Variants in NUP43 observed in about 807,000 individuals in gnomAD.
NUP43 encodes nucleoporin 43, also known as nucleoporin Nup43.
In NUP43, 32 loss-of-function variants were observed where a neutral mutation model predicts 47.3. That is an observed-to-expected ratio of 0.68 (90% CI 0.51 to 0.91). The LOEUF is 0.91. NUP43 is among the 40% of genes least tolerant of loss of function. The probability of loss-of-function intolerance (pLI) is 0.00; values close to 1 mark genes in which losing one functional copy is unlikely to be tolerated. For missense variants in NUP43, 444 were observed against 453.9 expected (o/e 0.98, Z 0.20); for synonymous variants, 147 against 158.4 (o/e 0.93, Z 0.54).
chr6:149,745,326 G>A (rs933852422), intron 2 of NUP43, among the ~76,000 whole-genome samples: 4 of 151,612 alleles, frequency 2.6e-5, no homozygotes, highest in Admixed American at 6.6e-5. Context: ...CTTGAACCCG[G>A]GAAGCGGAGG....
intron 4 of NUP43, among the ~76,000 whole-genome samples, chr6:149,739,181 T>C (rs1440505660): frequency 1.3e-5 from 2 of 152,184 alleles, no homozygotes; most frequent in African/African-American, 2.4e-5. Flanking sequence ...TTTCTCCATG[T>C]TGGTCAGGCT....
Position 149,738,178 on chromosome 6 carries a change from T to C in NUP43, c.638+465A>G, listed in dbSNP as rs377682558. 3.3e-5 allele frequency among the ~76,000 whole-genome samples: 5 copies of C among 152,214 alleles called. No homozygotes were observed. The East Asian group carries it at 9.6e-4, about 29-fold the overall frequency. Reference sequence around the variant, plus strand: ...ACTTGTTAAATTATTTAAAAACTCATACATCAATTATATACTAAATATTAT... The same window carrying C: ...ACTTGTTAAATTATTTAAAAACTCACACATCAATTATATACTAAATATTAT... On this transcript the variant is annotated intron_variant, in intron 5 of 7. Transcript: ENST00000340413.
At position 149,726,869 on chromosome 6, in the gene NUP43, C is replaced by T. The variant is rs999076423; in HGVS notation, c.*100G>A. On this transcript the variant is annotated 3_prime_UTR_variant, in exon 8 of 8. Coordinates refer to ENST00000340413, the MANE Select transcript of NUP43 (RefSeq NM_198887.3). ...TAATGGTAGTTTACTGATGTTTCCC[C>T]TGCAAATCTCGTATTTTCTGATACT... The T allele has an allele frequency of 1.2e-6, 1 of 865,672 alleles. No homozygotes were observed. The highest frequency in any genetic ancestry group is 1.8e-6 in the Non-Finnish European group (1 of 542,098). The allele number at this position is 865,672 out of a possible 1,614,324, so 53.6% of individuals were successfully genotyped here. A position where few individuals can be genotyped will look rare whatever the true frequency, so the allele number is the denominator to read the frequency against.
At chr6:149,736,695 G>GT in intron 5 of NUP43, 73 bp from the exon 6 acceptor site, 1 of 1,376,468 alleles carries the variant, frequency 7.3e-7, no homozygotes, top group Non-Finnish European at 1.0e-6. Context: ...CAGGAAACAC[G>GT]TTTTTTGTTT....
At position 149,727,030 on chromosome 6, in the gene NUP43, G is replaced by A. The variant is rs1445433175; in HGVS notation, c.1082C>T (p.Pro361Leu). ...LSVNTLDVLG[P>L]CLVCGTDAEA... ...TGCATCGGTTCCACAAACAAGACAAGGACCTAAAACATCCAAAGTGTTCAC... is the reference window on the plus strand; with the variant it reads ...TGCATCGGTTCCACAAACAAGACAAAGACCTAAAACATCCAAAGTGTTCAC... The change falls in exon 8 of 8, where the codon CCT becomes CTT. Residue 361 changes from proline (P) to leucine (L), a missense_variant. Transcript: ENST00000340413. 28 of 1,614,062 alleles carry A rather than the reference G, an allele frequency of 1.7e-5. No homozygotes were observed. Among genetic ancestry groups the A allele is most frequent in the Non-Finnish European group, 2.3e-5 (27 of 1,179,976 alleles).
rs1784747583 is a variant in NUP43 at position 149,725,189 on chromosome 6, G to A, written c.*1780C>T. ...TCTCTTATGGTTACAAATACTAAGT[G>A]GCTCACGCCTGTAATCCCAGCACTT... On this transcript the variant is annotated 3_prime_UTR_variant, in exon 8 of 8. Transcript: ENST00000340413. 2 of 152,326 alleles carry A rather than the reference G, an allele frequency of 1.3e-5. No homozygotes were observed. The highest frequency in any genetic ancestry group is 2.9e-5 in the Non-Finnish European group (2 of 68,036). 9.4% of individuals were successfully genotyped at this position (152,326 alleles called of 1,614,324 possible).
chr6:149,744,963 G>A (rs1785890781), intron 2 of NUP43, among the ~76,000 whole-genome samples: 1 of 149,324 alleles, frequency 6.7e-6, no homozygotes, highest in South Asian at 2.1e-4. Flanking sequence ...CCAAGCTGGC[G>A]CACTCTCGGC....
chr6:149,727,206 A>G lies in NUP43; in HGVS notation c.914-8T>C. On this transcript the variant is annotated splice_region_variant and splice_polypyrimidine_tract_variant and intron_variant, in intron 7 of 7. Coordinates refer to ENST00000340413, the MANE Select transcript of NUP43 (RefSeq NM_198887.3). The stretch of plus-strand genomic sequence containing the variant: ...AAGTACTGCTTCTTCCTCCTGGGAG[A>G]AAAAAAGAAAAGGAAGAAATCTTTC... 1 of 1,607,484 alleles carries G rather than the reference A, an allele frequency of 6.2e-7. No individual in the cohort carries two copies. The highest frequency in any genetic ancestry group is 2.2e-5 in the East Asian group (1 of 44,796).
At position 149,727,140 on chromosome 6, in the gene NUP43, C is replaced by T. The variant is rs1784825717; in HGVS notation, c.972G>A (p.Gln324=). Residue 324 remains glutamine (Q), a synonymous_variant, in exon 8 of 8, where the codon CAG becomes CAA. Transcript: ENST00000340413. ...HSISNQANVH[Q]SVISSWLSTD... ...TGCTGAGCCAGGAGCTAATGACAGA[C>T]TGGTGAACATTAGCTTGGTTACTAA... The T allele has an allele frequency of 6.2e-7, 1 of 1,613,960 alleles. No homozygotes were observed. Among genetic ancestry groups the T allele is most frequent in the African/African-American group, 1.3e-5 (1 of 74,886 alleles).
intron 6 of NUP43, among the ~76,000 whole-genome samples, chr6:149,733,962 T>C (rs1187594338): frequency 6.6e-6 from 1 of 151,862 alleles, no homozygotes. Flanking sequence ...GTAGCTGGGA[T>C]TACAGGCATG....
chr6:149,745,892 A>G, intron 2 of NUP43, 48 bp downstream of exon 2: 1 of 1,534,348 alleles, frequency 6.5e-7, no homozygotes. Context: ...GTTTAAATGT[A>G]TTACTCAGGA....
At chr6:149,743,528 G>T in intron 3 of NUP43, 110 bp downstream of exon 3, 1 of 621,408 alleles carries the variant, frequency 1.6e-6, no homozygotes, top group Non-Finnish European at 2.8e-6. Context: ...TCAGAAGGTG[G>T]AGGCTGCGGT....
At chr6:149,746,581 G>C (rs1375279895), upstream of NUP43, 2 of 1,611,842 alleles carry the variant, frequency 1.2e-6, no homozygotes, top group Admixed American at 3.3e-5. Context: ...ACCCTGATTG[G>C]ATGGGACTTT....
chr6:149,732,114 G>A (rs529486836), intron 6 of NUP43, among the ~76,000 whole-genome samples: 5 of 148,960 alleles, frequency 3.4e-5, no homozygotes, highest in South Asian at 4.3e-4. Context: ...CCTGGGAGGC[G>A]GAGGTTGCAG....
At chr6:149,738,856 C>CA (rs1785498058) in intron 4 of NUP43, 78 bp from the exon 5 acceptor site, 3 of 797,528 alleles carry the variant, frequency 3.8e-6, no homozygotes, top group African/African-American at 1.8e-5. Context: ...ACACTCCTTT[C>CA]ATGGATTGAT....
At chr6:149,733,318 G>C (rs961457530) in intron 6 of NUP43, among the ~76,000 whole-genome samples, 33 of 152,218 alleles carry the variant, frequency 2.2e-4, no homozygotes, top group African/African-American at 6.7e-4. Context: ...GTCTCAGATG[G>C]AGGGCTTTTT....
chr6:149,732,426 A>G (rs1785103394), intron 6 of NUP43, among the ~76,000 whole-genome samples: 1 of 151,884 alleles, frequency 6.6e-6, no homozygotes, highest in African/African-American at 2.4e-5. Flanking sequence ...GGGTGCCTAT[A>G]ATCCCAGCTA....
At chr6:149,743,328 G>C (rs550895759) in intron 3 of NUP43, among the ~76,000 whole-genome samples, 1 of 151,824 alleles carries the variant, frequency 6.6e-6, no homozygotes, top group Non-Finnish European at 1.5e-5. Flanking sequence ...GGCTGGGCGC[G>C]GTGGCTCACA....
chr6:149,735,115 T>G (rs746949180), intron 6 of NUP43, among the ~76,000 whole-genome samples: 18 of 152,020 alleles, frequency 1.2e-4, no homozygotes, highest in Non-Finnish European at 2.2e-4. Flanking sequence ...CAGGCTGGAG[T>G]GCATAGGTGC....
Sources: allele counts gnomAD v4.1 joint callset (sites outside exome capture counted in the v4.1 genomes callset), GRCh38; gene constraint gnomAD v4.1.1; transcripts MANE v1.5; gene names NCBI Gene and HGNC (gene_info 2026-07-23, HGNC 2026-07-21).